The following FBXL7 variants were observed in gnomAD, a reference collection of about 807,000 sequenced individuals.
FBXL7 encodes F-box and leucine rich repeat protein 7.
A neutral mutation model predicts 38.3 loss-of-function variants in FBXL7; 12 were observed. The observed-to-expected ratio is 0.31, with a 90% CI of 0.20 to 0.51. FBXL7 has a LOEUF of 0.51. Ranked by LOEUF, FBXL7 falls within the 20% of genes least tolerant of loss-of-function variation. The pLI, the probability that FBXL7 is intolerant of heterozygous loss-of-function variation, is 0.98. For synonymous variants in FBXL7, 297 were observed against 300.9 expected, an observed-to-expected ratio of 0.99 and a Z score of 0.13; for missense variants, 567 against 676.4, an observed-to-expected ratio of 0.84 and a Z score of 1.79.
intron 1 of FBXL7, among the ~76,000 whole-genome samples, chr5:15,554,646 C>G (rs567498551): frequency 1.0e-3 from 154 of 152,274 alleles, no homozygotes; most frequent in African/African-American, 3.6e-3. Flanking sequence ...GAGCCTCAGG[C>G]CCCACCTGAG....
At chr5:15,867,004 A>G (rs576832422) in intron 2 of FBXL7, among the ~76,000 whole-genome samples, 1 of 152,308 alleles carries the variant, frequency 6.6e-6, no homozygotes, top group East Asian at 1.9e-4. Flanking sequence ...AAGATACATT[A>G]TGGTAGGAAA....
At chr5:15,730,092 G>T (rs956942425) in intron 2 of FBXL7, among the ~76,000 whole-genome samples, 1 of 152,082 alleles carries the variant, frequency 6.6e-6, no homozygotes, top group East Asian at 1.9e-4. Context: ...AAGTTCAATG[G>T]CCAGGAAGAT....
intron 2 of FBXL7, among the ~76,000 whole-genome samples, chr5:15,848,615 C>T (rs1035688268): frequency 1.3e-5 from 2 of 152,136 alleles, no homozygotes; most frequent in Admixed American, 6.5e-5. Context: ...ATCCTGACCT[C>T]GTGATCTGCC....
chr5:15,529,432 C>T (rs1665015999), intron 1 of FBXL7, among the ~76,000 whole-genome samples: 1 of 151,830 alleles, frequency 6.6e-6, no homozygotes, highest in East Asian at 1.9e-4. Context: ...GTCTCCCAGG[C>T]TGGAGTGCAG....
At chr5:15,893,309 T>C (rs952726635) in intron 2 of FBXL7, among the ~76,000 whole-genome samples, 1 of 152,120 alleles carries the variant, frequency 6.6e-6, no homozygotes, top group African/African-American at 2.4e-5. Context: ...GCAAACTCTT[T>C]CAATGCCTCT....
At chr5:15,502,564 A>T (rs1736526278) in intron 1 of FBXL7, among the ~76,000 whole-genome samples, 2 of 152,238 alleles carry the variant, frequency 1.3e-5, no homozygotes, top group South Asian at 4.1e-4. Flanking sequence ...AGGAAGCTTT[A>T]CAAGGTAACT....
At chr5:15,696,767 A>T (rs1047967080) in intron 2 of FBXL7, among the ~76,000 whole-genome samples, 3 of 152,222 alleles carry the variant, frequency 2.0e-5, no homozygotes, top group African/African-American at 7.2e-5. Context: ...CCAGATAGAC[A>T]TTGAGAACCT....
At chr5:15,817,748 G>A (rs140227400) in intron 2 of FBXL7, among the ~76,000 whole-genome samples, 2 of 152,068 alleles carry the variant, frequency 1.3e-5, no homozygotes, top group Admixed American at 6.6e-5. Flanking sequence ...TTCACCTTTC[G>A]CCATGATTGT....
At chr5:15,827,051 A>G (rs950313748) in intron 2 of FBXL7, among the ~76,000 whole-genome samples, 1 of 151,974 alleles carries the variant, frequency 6.6e-6, no homozygotes, top group Non-Finnish European at 1.5e-5. Flanking sequence ...TTCCTGCCCC[A>G]TGAACACTTT....
chr5:15,915,377 GCAGCTCCT>G, intron 2 of FBXL7, among the ~76,000 whole-genome samples: 1 of 152,194 alleles, frequency 6.6e-6, no homozygotes, highest in Admixed American at 6.5e-5. Flanking sequence ...CTTGCTTCTT[GCAGCTCCT>G]GGAAGCCCCA....
At chr5:15,623,096 G>A (rs572621407) in intron 2 of FBXL7, among the ~76,000 whole-genome samples, 1 of 152,262 alleles carries the variant, frequency 6.6e-6, no homozygotes, top group South Asian at 2.1e-4. Flanking sequence ...CATAACTTTC[G>A]CTATTTAATT....
chr5:15,827,602 A>G (rs745611501), intron 2 of FBXL7, among the ~76,000 whole-genome samples: 46 of 152,302 alleles, frequency 3.0e-4, no homozygotes, highest in Middle Eastern at 3.4e-3. Flanking sequence ...AGTGAGAGAA[A>G]GAGAGAAAGG....
At chr5:15,748,575 T>C (rs1736073423) in intron 2 of FBXL7, among the ~76,000 whole-genome samples, 1 of 152,230 alleles carries the variant, frequency 6.6e-6, no homozygotes, top group Admixed American at 6.5e-5. Flanking sequence ...CCTTCTGTCA[T>C]GATTGTGAGG....
intron 2 of FBXL7, among the ~76,000 whole-genome samples, chr5:15,774,749 G>A (rs760027149): frequency 2.6e-5 from 4 of 152,266 alleles, no homozygotes; most frequent in South Asian, 2.1e-4. Flanking sequence ...TAGTTAGAGC[G>A]ACAGTTTTTC....
At chr5:15,693,537 C>G (rs1743244160) in intron 2 of FBXL7, among the ~76,000 whole-genome samples, 1 of 152,142 alleles carries the variant, frequency 6.6e-6, no homozygotes, top group African/African-American at 2.4e-5. Context: ...AGGCCTGTGC[C>G]CATGGACCTA....
At chr5:15,616,414 T>C (rs1315918845) in intron 2 of FBXL7, among the ~76,000 whole-genome samples, 2 of 152,338 alleles carry the variant, frequency 1.3e-5, no homozygotes, top group East Asian at 3.9e-4. Flanking sequence ...TGTGCTGTAG[T>C]TGAATGTTCC....
chr5:15,573,447 C>A (rs1323148997), intron 1 of FBXL7, among the ~76,000 whole-genome samples: 1 of 152,000 alleles, frequency 6.6e-6, no homozygotes, highest in African/African-American at 2.4e-5. Context: ...ACTTTTGAAT[C>A]AAAAGGAAAT....
rs78660583 is a variant in FBXL7 at position 15,612,618 on chromosome 5, T to C, written c.38-3365T>C. On this transcript the variant is annotated intron_variant, in intron 1 of 3. Coordinates refer to ENST00000504595, the MANE Select transcript of FBXL7 (RefSeq NM_012304.5). ...TATAAGAGAGTCCTGCCATGAGTTA[T>C]ATTGTCCAAGTTTCCCCATGTTTAA... is the stretch of plus-strand genomic sequence containing the variant. 8.3e-3 allele frequency among the ~76,000 whole-genome samples: 1,264 copies of C among 152,282 alleles called. 13 individuals carry two copies. Among genetic ancestry groups the C allele is most frequent in the African/African-American group, 0.029 (1,197 of 41,550 alleles).
chr5:15,507,543 A>G (rs1006783967), intron 1 of FBXL7, among the ~76,000 whole-genome samples: 1 of 152,206 alleles, frequency 6.6e-6, no homozygotes, highest in African/African-American at 2.4e-5. Context: ...AAAGCTGCTT[A>G]GATAACTTTG....
Sources: allele counts gnomAD v4.1 joint callset (sites outside exome capture counted in the v4.1 genomes callset), GRCh38; gene constraint gnomAD v4.1.1; transcripts MANE v1.5; gene names NCBI Gene and HGNC (gene_info 2026-07-23, HGNC 2026-07-21).